ATXN7L1: variants seen among roughly 807,000 people sequenced by gnomAD.
The protein encoded by ATXN7L1 is ataxin 7 like 1, also known as ataxin-7-like protein 1.
In ATXN7L1, 15 loss-of-function variants were observed where a neutral mutation model predicts 70.8. The observed-to-expected ratio is 0.21, with a 90% CI of 0.14 to 0.33. The LOEUF is 0.33. ATXN7L1 is among the 10% of genes least tolerant of loss of function. The probability of loss-of-function intolerance (pLI) is 1.00; values close to 1 mark genes in which losing one functional copy is unlikely to be tolerated. For missense variants in ATXN7L1, 975 were observed against 1,097.1 expected, an observed-to-expected ratio of 0.89 and a Z score of 1.57; for synonymous variants, 440 against 445.1, an observed-to-expected ratio of 0.99 and a Z score of 0.14.
At chr7:105,719,046 C>G (rs190336193) in intron 3 of ATXN7L1, among the ~76,000 whole-genome samples, 2 of 152,128 alleles carry the variant, frequency 1.3e-5, no homozygotes, top group Admixed American at 6.5e-5. Context: ...GGAAACAGAC[C>G]AGTTTACAGT....
At chr7:105,611,288 T>C (rs768193202) in intron 10 of ATXN7L1, among the ~76,000 whole-genome samples, 106 of 152,386 alleles carry the variant, frequency 7.0e-4, no homozygotes, top group Non-Finnish European at 9.3e-4. Flanking sequence ...CCCTGTCTAG[T>C]CTGCAAAGGC....
intron 3 of ATXN7L1, among the ~76,000 whole-genome samples, chr7:105,784,304 A>G (rs1486005940): frequency 6.6e-6 from 1 of 152,134 alleles, no homozygotes. Context: ...ATTAAATCGT[A>G]GGACACTGAA....
chr7:105,743,988 T>C (rs1246151049), intron 3 of ATXN7L1, among the ~76,000 whole-genome samples: 1 of 152,194 alleles, frequency 6.6e-6, no homozygotes, highest in African/African-American at 2.4e-5. Context: ...GAAAACCCTT[T>C]AATGGGTTTG....
chr7:105,679,245 G>T, intron 3 of ATXN7L1: 1 of 726,384 alleles, frequency 1.4e-6, no homozygotes, highest in Non-Finnish European at 1.7e-6. Flanking sequence ...AACAGTCAGG[G>T]TTGTATCCTG....
chr7:105,868,425 T>G (rs116544391), intron 2 of ATXN7L1, among the ~76,000 whole-genome samples: 1 of 152,070 alleles, frequency 6.6e-6, no homozygotes, highest in Non-Finnish European at 1.5e-5. Flanking sequence ...TGAGAAACAG[T>G]TGAGCGTATT....
chr7:105,764,545 G>C (rs566266854), intron 3 of ATXN7L1, among the ~76,000 whole-genome samples: 1 of 152,280 alleles, frequency 6.6e-6, no homozygotes, highest in South Asian at 2.1e-4. Flanking sequence ...TGACTTAAAG[G>C]ATTAAACATC....
chr7:105,740,981 G>A (rs1797964988), intron 3 of ATXN7L1, among the ~76,000 whole-genome samples: 1 of 151,888 alleles, frequency 6.6e-6, no homozygotes, highest in African/African-American at 2.4e-5. Flanking sequence ...AGCCAGGATG[G>A]TCTCGATCTC....
chr7:105,835,435 G>C (rs556116867), intron 2 of ATXN7L1, among the ~76,000 whole-genome samples: 1 of 100,960 alleles, frequency 9.9e-6, no homozygotes, highest in Non-Finnish European at 2.0e-5. Flanking sequence ...GATTACAGGC[G>C]TGAGCCAGTG....
intron 2 of ATXN7L1, among the ~76,000 whole-genome samples, chr7:105,796,769 G>A (rs1375446448): frequency 6.6e-6 from 1 of 151,892 alleles, no homozygotes; most frequent in Non-Finnish European, 1.5e-5. Context: ...ATCACTTAAC[G>A]GTGCATGGAA....
intron 3 of ATXN7L1, among the ~76,000 whole-genome samples, chr7:105,734,962 T>G (rs1343637168): frequency 6.6e-6 from 1 of 152,194 alleles, no homozygotes; most frequent in East Asian, 1.9e-4. Context: ...ACACTTATGC[T>G]TTCCCTTCCT....
intron 3 of ATXN7L1, chr7:105,760,683 A>G (rs1461950742): frequency 1.2e-5 from 6 of 506,006 alleles, no homozygotes; most frequent in African/African-American, 2.1e-5. Context: ...TTTTCAACAT[A>G]TAAGGGAGAG....
intron 2 of ATXN7L1, among the ~76,000 whole-genome samples, chr7:105,846,828 CATT>C (rs1814117428): frequency 6.6e-6 from 1 of 152,148 alleles, no homozygotes; most frequent in South Asian, 2.1e-4. Flanking sequence ...AACCCTGAAA[CATT>C]ATGCTAAGTG....
At chr7:105,672,179 G>A (rs1803841551) in intron 3 of ATXN7L1, among the ~76,000 whole-genome samples, 1 of 151,674 alleles carries the variant, frequency 6.6e-6, no homozygotes, top group African/African-American at 2.4e-5. Flanking sequence ...CCAGGTACTC[G>A]GGAGGCTGAG....
chr7:105,739,328 G>T (rs1000390811), intron 3 of ATXN7L1, among the ~76,000 whole-genome samples: 16 of 152,156 alleles, frequency 1.1e-4, no homozygotes, highest in Non-Finnish European at 1.9e-4. Flanking sequence ...CCAGACCCAT[G>T]GAAGAAGAAC....
At chr7:105,783,482 G>A (rs568522388) in intron 3 of ATXN7L1, among the ~76,000 whole-genome samples, 47 of 152,296 alleles carry the variant, frequency 3.1e-4, no homozygotes, top group Non-Finnish European at 6.0e-4. Context: ...CAGGCTGGGG[G>A]CCGGTCACCA....
intron 2 of ATXN7L1, among the ~76,000 whole-genome samples, chr7:105,811,015 T>G (rs1808350229): frequency 1.3e-5 from 2 of 152,294 alleles, no homozygotes; most frequent in African/African-American, 4.8e-5. Flanking sequence ...GGCTATCAGC[T>G]AACCTAGAAA....
intron 7 of ATXN7L1, 75 bp downstream of exon 7, chr7:105,638,278 A>G: frequency 6.9e-7 from 1 of 1,459,554 alleles, no homozygotes; most frequent in Non-Finnish European, 9.2e-7. Context: ...ATATAATCAG[A>G]CCACATGCCA....
chr7:105,751,478 C>CA lies in ATXN7L1; in HGVS notation c.355+37125dup, dbSNP rs529616972. Among the ~76,000 whole-genome samples the CA allele has an allele frequency of 2.9e-3, 435 of 151,538 alleles. 2 individuals are homozygous for CA. Among genetic ancestry groups the CA allele is most frequent in the Admixed American group, 5.4e-3 (83 of 15,238 alleles). On this transcript the variant is annotated intron_variant, in intron 3 of 11. Transcript: ENST00000419735. Reference sequence around the variant, plus strand: ...GAAACCCCCGTCTCTACTAAAAATACAAAAAAAATTAGCTGGGCATGGTGG... The same window carrying CA: ...GAAACCCCCGTCTCTACTAAAAATACAAAAAAAAATTAGCTGGGCATGGTGG...
chr7:105,670,748 G>A (rs954093381), intron 3 of ATXN7L1, among the ~76,000 whole-genome samples: 111 of 151,932 alleles, frequency 7.3e-4, no homozygotes, highest in Non-Finnish European at 2.8e-4. Context: ...TGGATCACAA[G>A]GTCAAGAGAT....
Sources: gnomAD v4.1 joint callset for allele counts (sites outside exome capture counted in the v4.1 genomes callset) on GRCh38, gnomAD v4.1.1 for gene constraint, MANE v1.5 for transcripts, NCBI Gene and HGNC (gene_info 2026-07-23, HGNC 2026-07-21) for gene names.